FSTL4: variants seen among roughly 807,000 people sequenced by gnomAD.
FSTL4 encodes the protein follistatin like 4.
Under a neutral mutation model 78.2 loss-of-function variants are expected in FSTL4, and 28 were observed. That is an observed-to-expected ratio of 0.36 (90% confidence interval 0.27 to 0.49). The LOEUF is 0.49. FSTL4 is among the 20% of genes least tolerant of loss of function. The pLI, the probability that FSTL4 is intolerant of heterozygous loss-of-function variation, is 0.98. For missense variants in FSTL4, 922 were observed against 1,084.9 expected (o/e 0.85, Z 2.11); for synonymous variants, 422 against 440.5 (o/e 0.96, Z 0.53).
the FSTL4 span, among the ~76,000 whole-genome samples, chr5:133,773,580 T>C: frequency 6.6e-6 from 1 of 152,342 alleles, no homozygotes; most frequent in Admixed American, 6.5e-5. Flanking sequence ...CTCTCTCCCT[T>C]GCGTACAGCT....
intron 6 of FSTL4, among the ~76,000 whole-genome samples, chr5:133,269,830 T>G (rs1352977281): frequency 6.6e-6 from 1 of 152,224 alleles, no homozygotes; most frequent in Non-Finnish European, 1.5e-5. Context: ...CGGACCCTTA[T>G]GAATATGGGT....
intron 2 of FSTL4, among the ~76,000 whole-genome samples, chr5:133,577,830 C>T (rs1760318888): frequency 6.6e-6 from 1 of 152,128 alleles, no homozygotes; most frequent in African/African-American, 2.4e-5. Flanking sequence ...CACCTGAGCC[C>T]AGGGAGGTAG....
the FSTL4 span, among the ~76,000 whole-genome samples, chr5:133,821,863 A>G: frequency 1.3e-5 from 2 of 152,210 alleles, no homozygotes; most frequent in South Asian, 4.1e-4. Context: ...TTCAGTTGCC[A>G]GGAACGTAGC....
chr5:133,633,231 G>T, the FSTL4 span, among the ~76,000 whole-genome samples: 1 of 151,898 alleles, frequency 6.6e-6, no homozygotes, highest in Admixed American at 6.6e-5. Context: ...TGCTTTTTCA[G>T]CCCTGCCCTC....
the FSTL4 span, among the ~76,000 whole-genome samples, chr5:133,657,315 A>T: frequency 6.6e-6 from 1 of 152,162 alleles, no homozygotes; most frequent in Non-Finnish European, 1.5e-5. Context: ...GAGAGCTGTG[A>T]TGTAGGAAGA....
chr5:133,481,516 C>G (rs998802258), intron 3 of FSTL4, among the ~76,000 whole-genome samples: 6 of 123,424 alleles, frequency 4.9e-5, no homozygotes, highest in East Asian at 2.2e-4. Flanking sequence ...CACTCCAGCC[C>G]GGGTGACAGA....
At chr5:133,563,882 TA>T (rs1185720838) in intron 3 of FSTL4, among the ~76,000 whole-genome samples, 7 of 152,190 alleles carry the variant, frequency 4.6e-5, no homozygotes, top group Non-Finnish European at 1.0e-4. Context: ...CAATGAAAAC[TA>T]AAGTTTACTG....
the FSTL4 span, among the ~76,000 whole-genome samples, chr5:133,790,390 T>C: frequency 7.2e-5 from 11 of 152,174 alleles, no homozygotes; most frequent in African/African-American, 2.7e-4. Flanking sequence ...GTGGTAGAGA[T>C]GAAAAGAGGG....
At chr5:133,699,285 G>A in the FSTL4 span, among the ~76,000 whole-genome samples, 1 of 152,126 alleles carries the variant, frequency 6.6e-6, no homozygotes, top group South Asian at 2.1e-4. Flanking sequence ...ATTTGGAGCT[G>A]GGAAGCCAGG....
At chr5:133,228,054 C>G (rs1046279460) in intron 8 of FSTL4, among the ~76,000 whole-genome samples, 1 of 151,980 alleles carries the variant, frequency 6.6e-6, no homozygotes, top group Non-Finnish European at 1.5e-5. Context: ...TGGCAAAACC[C>G]CACCTCTATC....
chr5:133,246,188 G>A (rs1326927853), intron 7 of FSTL4, among the ~76,000 whole-genome samples: 2 of 152,176 alleles, frequency 1.3e-5, no homozygotes, highest in Non-Finnish European at 2.9e-5. Flanking sequence ...TTACAATGCC[G>A]GTGATCGTAT....
At chr5:133,801,745 G>A in the FSTL4 span, among the ~76,000 whole-genome samples, 2 of 152,214 alleles carry the variant, frequency 1.3e-5, no homozygotes, top group African/African-American at 2.4e-5. Context: ...GAGGAGGCAT[G>A]GGGGAGCCAG....
chr5:133,537,803 C>A (rs1160616406), intron 3 of FSTL4, among the ~76,000 whole-genome samples: 7 of 151,718 alleles, frequency 4.6e-5, no homozygotes, highest in Admixed American at 2.0e-4. Flanking sequence ...TATATACACA[C>A]ACACACACAC....
the FSTL4 span, among the ~76,000 whole-genome samples, chr5:133,720,080 C>T: frequency 6.6e-6 from 1 of 152,014 alleles, no homozygotes; most frequent in South Asian, 2.1e-4. Flanking sequence ...GTATAACAGG[C>T]CTATAACTTT....
chr5:133,449,506 C>T (rs1422362205), intron 3 of FSTL4, among the ~76,000 whole-genome samples: 1 of 152,206 alleles, frequency 6.6e-6, no homozygotes, highest in Non-Finnish European at 1.5e-5. Context: ...GGGTTGGGGC[C>T]TGGAGACAAG....
chr5:133,669,597 C>G, the FSTL4 span, among the ~76,000 whole-genome samples: 1 of 152,244 alleles, frequency 6.6e-6, no homozygotes, highest in Non-Finnish European at 1.5e-5. Context: ...CACCTGCCTC[C>G]TTCAGCCAGG....
rs752923336 is a variant in FSTL4 at position 133,217,268 on chromosome 5, T to C, written c.1569A>G (p.Arg523=). Residue 523 remains arginine, a synonymous_variant, in exon 13 of 16, where the codon AGA becomes AGG. Transcript: ENST00000265342. ...YIYVAQPALS[R]VLVVDIQAQK... ...GGGCTTGGATGTCGACCACAAGGAC[T>C]CTGCTCAGTGCTGGCTGGGCCACAT... is the stretch of plus-strand genomic sequence containing the variant. The C allele has an allele frequency of 6.2e-7, 1 of 1,614,126 alleles. No homozygotes were observed. The highest frequency in any genetic ancestry group is 8.5e-7 in the Non-Finnish European group (1 of 1,179,968).
chr5:133,225,276 T>C lies in FSTL4; in HGVS notation c.1186A>G (p.Ser396Gly). The C allele has an allele frequency of 6.2e-7, 1 of 1,614,168 alleles. No individual in the cohort carries two copies. Among genetic ancestry groups the C allele is most frequent in the South Asian group, 1.1e-5 (1 of 91,082 alleles). Residue 396 changes from serine to glycine, a missense_variant, in exon 10 of 16, where the codon AGC (serine) becomes GGC (glycine). By Grantham distance (56) the Ser-to-Gly change is moderately conservative. Coordinates refer to ENST00000265342, the MANE Select transcript of FSTL4 (RefSeq NM_015082.2). This position sits in a 1 kb window ranked among gnomAD's most constrained non-coding sequence, Gnocchi z 4.6. Reference sequence around the variant, plus strand: ...CGAACACTGCTGATGTGGAGTTCGCTCCCATTGGCTGCAGACAGGACAGTG... The same window carrying C: ...CGAACACTGCTGATGTGGAGTTCGCCCCCATTGGCTGCAGACAGGACAGTG... ...SKQLSLLANG[S>G]ELHISSVRYE...
chr5:133,561,401 T>C (rs910457398), intron 3 of FSTL4, among the ~76,000 whole-genome samples: 1 of 152,106 alleles, frequency 6.6e-6, no homozygotes, highest in East Asian at 1.9e-4. Flanking sequence ...AGAATCTTCC[T>C]TTGAGGACCA....
Sources: allele counts gnomAD v4.1 joint callset (sites outside exome capture counted in the v4.1 genomes callset), GRCh38; gene constraint gnomAD v4.1.1; non-coding constraint Gnocchi (gnomAD v3.1); transcripts MANE v1.5; gene names NCBI Gene and HGNC (gene_info 2026-07-23, HGNC 2026-07-21).